Variants in TENM3 observed in about 807,000 individuals in gnomAD.
TENM3 encodes the protein teneurin-3.
TENM3 carries 63 observed loss-of-function variants against 255.1 expected under a neutral mutation model. The observed-to-expected ratio is 0.25, with a 90% confidence interval of 0.20 to 0.30. TENM3 has a LOEUF of 0.30. Ranked by LOEUF, TENM3 falls within the 10% of genes least tolerant of loss-of-function variation. The pLI, the probability that TENM3 is intolerant of heterozygous loss-of-function variation, is 1.00. For missense variants in TENM3, 2,929 were observed against 3,461.1 expected, an observed-to-expected ratio of 0.85 and a Z score of 3.86; for synonymous variants, 1,306 against 1,322.3, an observed-to-expected ratio of 0.99 and a Z score of 0.27.
the TENM3 span, among the ~76,000 whole-genome samples, chr4:181,661,166 C>A: frequency 1.3e-5 from 2 of 152,102 alleles, no homozygotes. Context: ...TGGTGAAAAT[C>A]TTTAATGGCA....
At chr4:182,208,973 T>G (rs1481634944) in intron 1 of TENM3, among the ~76,000 whole-genome samples, 17 of 132,974 alleles carry the variant, frequency 1.3e-4, no homozygotes, top group Non-Finnish European at 2.3e-4. Context: ...TTTTTTTTTG[T>G]TTTTTTTTTT....
intron 3 of TENM3, among the ~76,000 whole-genome samples, chr4:182,460,994 T>A (rs1774281729): frequency 6.6e-6 from 1 of 152,240 alleles, no homozygotes; most frequent in South Asian, 2.1e-4. Context: ...TTTATCATCC[T>A]ATTCATAATC....
the TENM3 span, among the ~76,000 whole-genome samples, chr4:181,613,969 TCAAA>T: frequency 6.6e-6 from 1 of 152,108 alleles, no homozygotes; most frequent in Non-Finnish European, 1.5e-5. Context: ...TGCAAAAATG[TCAAA>T]CAAAGCCACT....
At chr4:181,480,198 T>C in the TENM3 span, among the ~76,000 whole-genome samples, 1 of 152,136 alleles carries the variant, frequency 6.6e-6, no homozygotes. Context: ...TTTTTTCTCT[T>C]TTCTGCTTAC....
At chr4:181,582,670 A>G in the TENM3 span, among the ~76,000 whole-genome samples, 7 of 4,074 alleles carry the variant, frequency 1.7e-3, no homozygotes, top group Admixed American at 5.6e-3. Flanking sequence ...AAAACAAATC[A>G]AAAAAAAAAA....
chr4:182,256,913 TA>T (rs111995629), intron 1 of TENM3, among the ~76,000 whole-genome samples: 62 of 146,102 alleles, frequency 4.2e-4, no homozygotes, highest in Non-Finnish European at 5.6e-4. Flanking sequence ...AAATAATTAT[TA>T]AAAAAAAAAA....
intron 3 of TENM3, among the ~76,000 whole-genome samples, chr4:182,429,028 C>T (rs528278623): frequency 3.3e-4 from 51 of 152,276 alleles, no homozygotes; most frequent in African/African-American, 1.2e-3. Context: ...ATTGACCTAA[C>T]TGATCCTAAG....
At chr4:182,097,225 G>A in the TENM3 span, among the ~76,000 whole-genome samples, 2 of 152,002 alleles carry the variant, frequency 1.3e-5, no homozygotes, top group Non-Finnish European at 2.9e-5. Context: ...AATGAAAATA[G>A]CTTAAAACTA....
At chr4:181,791,738 TCCCTGC>T in the TENM3 span, among the ~76,000 whole-genome samples, 1 of 152,162 alleles carries the variant, frequency 6.6e-6, no homozygotes, top group Non-Finnish European at 1.5e-5. Flanking sequence ...GTAACTGTGG[TCCCTGC>T]ACTGGAGACC....
At chr4:181,701,016 ACAG>A in the TENM3 span, among the ~76,000 whole-genome samples, 1 of 152,186 alleles carries the variant, frequency 6.6e-6, no homozygotes, top group Admixed American at 6.5e-5. Flanking sequence ...CACCTTTACT[ACAG>A]AGGTGAAAGT....
chr4:181,688,375 T>G, the TENM3 span, among the ~76,000 whole-genome samples: 1 of 152,148 alleles, frequency 6.6e-6, no homozygotes, highest in Non-Finnish European at 1.5e-5. Flanking sequence ...TTTATAGCAA[T>G]AGTAACTAGG....
the TENM3 span, among the ~76,000 whole-genome samples, chr4:181,754,418 C>T: frequency 6.6e-6 from 1 of 151,814 alleles, no homozygotes; most frequent in Non-Finnish European, 1.5e-5. Flanking sequence ...AAAATACAAA[C>T]ACTATGCTTT....
chr4:182,102,447 C>T, the TENM3 span, among the ~76,000 whole-genome samples: 2 of 152,154 alleles, frequency 1.3e-5, no homozygotes, highest in Admixed American at 6.5e-5. Flanking sequence ...GATTAGCAGA[C>T]AAAGCTTGGT....
At chr4:181,792,556 AT>A in the TENM3 span, among the ~76,000 whole-genome samples, 1 of 152,196 alleles carries the variant, frequency 6.6e-6, no homozygotes, top group Non-Finnish European at 1.5e-5. Context: ...ACGTTTGAAA[AT>A]TTAATTGCTA....
At chr4:181,957,270 T>G in the TENM3 span, among the ~76,000 whole-genome samples, 4 of 152,304 alleles carry the variant, frequency 2.6e-5, no homozygotes, top group Admixed American at 2.0e-4. Context: ...GGTTTTGAAT[T>G]CCATGCTCAT....
At chr4:181,565,478 G>T in the TENM3 span, among the ~76,000 whole-genome samples, 1 of 152,218 alleles carries the variant, frequency 6.6e-6, no homozygotes, top group Non-Finnish European at 1.5e-5. Flanking sequence ...AATCTTAGAA[G>T]GTGGGAAACG....
intron 1 of TENM3, among the ~76,000 whole-genome samples, chr4:182,213,851 G>C (rs953392065): frequency 1.3e-5 from 2 of 152,004 alleles, no homozygotes; most frequent in African/African-American, 4.8e-5. Context: ...GCCCAGGCTG[G>C]AGTGCAGTGG....
Position 182,463,462 on chromosome 4 carries a change from T to A in TENM3, c.511+116533T>A, listed in dbSNP as rs147436342. Among the ~76,000 whole-genome samples, 50 of 152,180 alleles carry A rather than the reference T, an allele frequency of 3.3e-4. 1 individual carries two copies. The highest frequency in any genetic ancestry group is 6.0e-4 in the Non-Finnish European group (41 of 67,986). On this transcript the variant is annotated intron_variant, in intron 3 of 27. Coordinates refer to ENST00000511685, the MANE Select transcript of TENM3 (RefSeq NM_001080477.4). ...GCAATGGGTGCAATACTTTAGACCA[T>A]GTAGTATCACTTTTTTTTTTTTTCT...
chr4:182,278,759 C>T lies in TENM3; in HGVS notation c.-76+35283C>T, dbSNP rs987969922. ...AATGCCTCCAGCGCATACAGTGGAGCTGGCCTGTCATCAATAGAGATGAAA... is the reference window on the plus strand; with the variant it reads ...AATGCCTCCAGCGCATACAGTGGAGTTGGCCTGTCATCAATAGAGATGAAA... On this transcript the variant is annotated intron_variant, in intron 1 of 27. Transcript: ENST00000511685. Among the ~76,000 whole-genome samples the T allele has an allele frequency of 2.0e-5, 3 of 152,072 alleles. No homozygotes were observed. The South Asian group carries it at 6.2e-4, about 32-fold the overall frequency.
Sources: gnomAD v4.1 joint callset for allele counts (sites outside exome capture counted in the v4.1 genomes callset) on GRCh38, gnomAD v4.1.1 for gene constraint, MANE v1.5 for transcripts, NCBI Gene and HGNC (gene_info 2026-07-23, HGNC 2026-07-21) for gene names.